The following ASIC2 variants were observed in gnomAD, a reference collection of about 807,000 sequenced individuals.
ASIC2 encodes acid-sensing ion channel 2.
In ASIC2, 25 loss-of-function variants were observed where a neutral mutation model predicts 57.3. The ratio of observed to expected loss-of-function variants is 0.44; its 90% CI spans 0.32 to 0.61. The LOEUF (loss-of-function observed/expected upper bound fraction) is 0.61, where lower values mean the gene tolerates loss of function less well. Among genes scored for constraint, ASIC2 ranks in the 20% least tolerant of loss-of-function variants. The pLI is 0.06. For missense variants in ASIC2, 641 were observed against 738.1 expected, an observed-to-expected ratio of 0.87 and a Z score of 1.52; for synonymous variants, 319 against 307.5, an observed-to-expected ratio of 1.04 and a Z score of -0.39.
intron 1 of ASIC2, among the ~76,000 whole-genome samples, chr17:33,632,893 A>T (rs908862140): frequency 2.0e-5 from 3 of 152,186 alleles, no homozygotes; most frequent in Non-Finnish European, 4.4e-5. Flanking sequence ...GTTCTCTGTA[A>T]GTGCTCTAAT....
chr17:33,059,987 G>C (rs2092014044), intron 3 of ASIC2, among the ~76,000 whole-genome samples: 1 of 151,998 alleles, frequency 6.6e-6, no homozygotes, highest in Non-Finnish European at 1.5e-5. Context: ...CATATCCTTT[G>C]CCCACTTTTT....
chr17:33,325,021 C>T (rs1242548476), intron 1 of ASIC2, among the ~76,000 whole-genome samples: 3 of 152,144 alleles, frequency 2.0e-5, no homozygotes, highest in Admixed American at 6.5e-5. Flanking sequence ...GACTTCTTTC[C>T]GGGCTCTGTG....
rs1036493918 is a variant in ASIC2, at chr17:33,684,030, T to C, written c.555+471948A>G. On this transcript the variant is annotated intron_variant, in intron 1 of 9. Coordinates refer to the ASIC2 transcript ENST00000359872. ...AGCTTGATAGAAAATCATTAGAATA[T>C]CCATACATTTGCATATAGATTTTGC... 2.0e-5 allele frequency among the ~76,000 whole-genome samples: 3 copies of C among 152,220 alleles called. No individual in the cohort carries two copies. In the East Asian group the frequency reaches 5.8e-4, roughly 29 times the overall value.
chr17:33,560,315 A>C (rs1302559959), intron 1 of ASIC2, among the ~76,000 whole-genome samples: 2 of 152,216 alleles, frequency 1.3e-5, no homozygotes, highest in Non-Finnish European at 2.9e-5. Flanking sequence ...TGATCAGAGA[A>C]AGTGAAATCA....
intron 2 of ASIC2, among the ~76,000 whole-genome samples, chr17:33,100,985 T>A (rs2092210008): frequency 6.6e-6 from 1 of 152,238 alleles, no homozygotes; most frequent in Non-Finnish European, 1.5e-5. Context: ...GTGTTTCTGA[T>A]TTATGGCATC....
At chr17:33,410,765 T>C (rs1048109248) in intron 1 of ASIC2, among the ~76,000 whole-genome samples, 2 of 152,244 alleles carry the variant, frequency 1.3e-5, no homozygotes, top group Non-Finnish European at 2.9e-5. Flanking sequence ...TACTGTATCA[T>C]CTTTGTGAGA....
chr17:33,428,993 T>C (rs1468911954), intron 1 of ASIC2, among the ~76,000 whole-genome samples: 1 of 152,090 alleles, frequency 6.6e-6, no homozygotes, highest in Non-Finnish European at 1.5e-5. Context: ...ATAAAGTAAT[T>C]AAAGTGATTA....
At chr17:33,386,796 C>T (rs530061949) in intron 1 of ASIC2, among the ~76,000 whole-genome samples, 11 of 152,288 alleles carry the variant, frequency 7.2e-5, no homozygotes, top group African/African-American at 1.9e-4. Context: ...CTGCATGACT[C>T]GCAGACTTCC....
intron 1 of ASIC2, among the ~76,000 whole-genome samples, chr17:33,645,127 T>C (rs1567678143): frequency 6.6e-6 from 1 of 152,206 alleles, no homozygotes; most frequent in Non-Finnish European, 1.5e-5. Flanking sequence ...AAAGTAAATA[T>C]TCCCATTTGA....
chr17:33,553,631 C>A (rs1351247491), intron 1 of ASIC2, among the ~76,000 whole-genome samples: 1 of 152,064 alleles, frequency 6.6e-6, no homozygotes, highest in Admixed American at 6.6e-5. Context: ...GCCACTGTGC[C>A]CAGCTGAGAA....
intron 1 of ASIC2, among the ~76,000 whole-genome samples, chr17:34,142,141 C>T (rs1358800450): frequency 6.6e-6 from 1 of 152,152 alleles, no homozygotes; most frequent in African/African-American, 2.4e-5. Context: ...CCTTCTTGCA[C>T]TCTGTGAAAA....
At chr17:33,682,519 A>C (rs960164969) in intron 1 of ASIC2, among the ~76,000 whole-genome samples, 8 of 152,236 alleles carry the variant, frequency 5.3e-5, no homozygotes, top group African/African-American at 1.9e-4. Flanking sequence ...TAATGTTAGA[A>C]TAATCTTCAT....
chr17:33,514,181 A>G (rs562318103), intron 1 of ASIC2, among the ~76,000 whole-genome samples: 1 of 152,234 alleles, frequency 6.6e-6, no homozygotes, highest in African/African-American at 2.4e-5. Flanking sequence ...TTCATGCTGC[A>G]TGCTCTAGCC....
At chr17:33,677,723 C>G (rs1907869369) in intron 1 of ASIC2, among the ~76,000 whole-genome samples, 1 of 152,142 alleles carries the variant, frequency 6.6e-6, no homozygotes, top group Admixed American at 6.5e-5. Context: ...GACTGAATTG[C>G]TTCAATCTCA....
At chr17:33,400,767 G>C (rs987839323) in intron 1 of ASIC2, among the ~76,000 whole-genome samples, 2 of 152,066 alleles carry the variant, frequency 1.3e-5, no homozygotes, top group Non-Finnish European at 2.9e-5. Flanking sequence ...CCTTTCACCT[G>C]TCCTCACTGT....
At chr17:33,459,371 G>C (rs942428430) in intron 1 of ASIC2, among the ~76,000 whole-genome samples, 1 of 152,126 alleles carries the variant, frequency 6.6e-6, no homozygotes, top group Non-Finnish European at 1.5e-5. Context: ...CAGGATCAAT[G>C]TATCTAATTC....
At chr17:33,558,604 C>T (rs572128564) in intron 1 of ASIC2, among the ~76,000 whole-genome samples, 2 of 152,312 alleles carry the variant, frequency 1.3e-5, no homozygotes, top group African/African-American at 4.8e-5. Flanking sequence ...CAAACTTTCT[C>T]TTGAGGGCCA....
At chr17:33,976,790 T>C (rs1326753665) in intron 1 of ASIC2, 1 of 151,994 alleles carries the variant, frequency 6.6e-6, no homozygotes, top group East Asian at 1.9e-4. Context: ...TTGTTCCTGC[T>C]GTGATACCCT....
At chr17:33,153,479 A>G (rs948194285) in intron 1 of ASIC2, among the ~76,000 whole-genome samples, 5 of 152,174 alleles carry the variant, frequency 3.3e-5, no homozygotes, top group African/African-American at 9.7e-5. Context: ...AGTGCTTACT[A>G]TGGTCTCTAC....
Sources: gnomAD v4.1 joint callset for allele counts (sites outside exome capture counted in the v4.1 genomes callset) on GRCh38, gnomAD v4.1.1 for gene constraint, MANE v1.5 for transcripts, NCBI Gene and HGNC (gene_info 2026-07-23, HGNC 2026-07-21) for gene names.